The following COL4A4 variants were observed in gnomAD, a reference collection of about 807,000 sequenced individuals.
COL4A4 encodes the protein collagen alpha-4(IV) chain.
In COL4A4, 105 loss-of-function variants were observed where a neutral mutation model predicts 192.9. The ratio of observed to expected loss-of-function variants is 0.54; its 90% CI spans 0.46 to 0.64. The LOEUF (loss-of-function observed/expected upper bound fraction) is 0.64, where lower values mean the gene tolerates loss of function less well. Ranked by LOEUF, COL4A4 falls within the 30% of genes least tolerant of loss-of-function variation. The probability of loss-of-function intolerance (pLI) is 0.00; values close to 1 mark genes in which losing one functional copy is unlikely to be tolerated. For missense variants in COL4A4, 1,967 were observed against 2,169.3 expected (o/e 0.91, Z 1.85); for synonymous variants, 762 against 769.9 (o/e 0.99, Z 0.17).
chr2:227,099,604 G>A lies in COL4A4; in HGVS notation c.1099+16C>T, dbSNP rs754475687. The A allele has an allele frequency of 1.1e-5, 17 of 1,612,502 alleles. No individual in the cohort carries two copies. Among genetic ancestry groups the A allele is most frequent in the Non-Finnish European group, 1.4e-5 (17 of 1,178,636 alleles). On this transcript the variant is annotated intron_variant, in intron 18 of 47. Transcript: ENST00000396625. ...TTTCTGCATAATTTATGGAGGAACTGAATAGGAACACAAACCTTTGAGTGG... is the reference window on the plus strand; with the variant it reads ...TTTCTGCATAATTTATGGAGGAACTAAATAGGAACACAAACCTTTGAGTGG...
chr2:227,039,138 T>C (rs763998661), intron 37 of COL4A4, among the ~76,000 whole-genome samples: 2 of 152,188 alleles, frequency 1.3e-5, no homozygotes, highest in East Asian at 3.8e-4. Flanking sequence ...GATTTTGTTA[T>C]GGATCAAATT....
At chr2:227,031,335 G>A (rs1968352091) in intron 40 of COL4A4, among the ~76,000 whole-genome samples, 1 of 152,124 alleles carries the variant, frequency 6.6e-6, no homozygotes, top group Non-Finnish European at 1.5e-5. Flanking sequence ...GAGCTTGTAT[G>A]AATGCAATTG....
At chr2:227,066,045 T>C (rs1440937277) in intron 25 of COL4A4, among the ~76,000 whole-genome samples, 1 of 152,112 alleles carries the variant, frequency 6.6e-6, no homozygotes, top group East Asian at 1.9e-4. Context: ...CTGATGGAGC[T>C]GAAAACCAAG....
intron 42 of COL4A4, among the ~76,000 whole-genome samples, chr2:227,026,119 A>G (rs1966849957): frequency 6.6e-6 from 1 of 152,204 alleles, no homozygotes; most frequent in South Asian, 2.1e-4. Flanking sequence ...TAATGCATGT[A>G]GGAATTCTAT....
intron 35 of COL4A4, among the ~76,000 whole-genome samples, chr2:227,044,007 A>T (rs1195252974): frequency 6.6e-6 from 1 of 152,206 alleles, no homozygotes; most frequent in Non-Finnish European, 1.5e-5. Flanking sequence ...ATTTCTAAAA[A>T]TTTAAAGCAG....
At chr2:227,070,570 G>A (rs542988888) in intron 25 of COL4A4, among the ~76,000 whole-genome samples, 2 of 152,102 alleles carry the variant, frequency 1.3e-5, no homozygotes, top group East Asian at 1.9e-4. Flanking sequence ...TCCTTTGTAG[G>A]GACATGGATG....
intron 4 of COL4A4, among the ~76,000 whole-genome samples, chr2:227,121,690 T>C (rs6713185): frequency 0.76 from 114,856 of 152,062 alleles, 43,918 homozygotes; most frequent in African/African-American, 0.88. Flanking sequence ...TTGCCCTTTT[T>C]AATCTGAATT....
chr2:227,098,924 A>T (rs921417102), intron 18 of COL4A4, 126 bp from the exon 19 acceptor site: 2 of 758,304 alleles, frequency 2.6e-6, no homozygotes, highest in African/African-American at 3.5e-5. Flanking sequence ...TTCTCATTAC[A>T]TTTAAAACGA....
At chr2:227,002,259 T>G (rs755771533), downstream of COL4A4, among the ~76,000 whole-genome samples, 4 of 151,208 alleles carry the variant, frequency 2.6e-5, no homozygotes, top group African/African-American at 4.9e-5. Context: ...TAAAGAGAAA[T>G]GTAATCAATA....
intron 21 of COL4A4, 49 bp from the exon 22 acceptor site, chr2:227,088,865 C>G (rs1473409300): frequency 1.3e-6 from 2 of 1,598,606 alleles, no homozygotes; most frequent in African/African-American, 2.7e-5. Context: ...GAATAAAATC[C>G]CCAATAAGGG....
At chr2:227,036,617 G>C (rs1432616113) in intron 37 of COL4A4, among the ~76,000 whole-genome samples, 17 of 152,210 alleles carry the variant, frequency 1.1e-4, no homozygotes, top group Non-Finnish European at 5.9e-5. Flanking sequence ...CAGCAAATAT[G>C]TGAGTGCCCA....
intron 3 of COL4A4, among the ~76,000 whole-genome samples, chr2:227,140,710 C>CTTCTGT (rs1441654485): frequency 6.6e-6 from 1 of 151,968 alleles, no homozygotes; most frequent in African/African-American, 2.4e-5. Context: ...TAGGACAATT[C>CTTCTGT]TTCTGTCCCA....
intron 41 of COL4A4, 48 bp from the exon 42 acceptor site, chr2:227,028,057 G>T: frequency 1.6e-6 from 2 of 1,264,414 alleles, no homozygotes; most frequent in Non-Finnish European, 2.3e-6. Context: ...AATGAGACAA[G>T]ATAAAAACAA....
chr2:227,054,693 C>G lies in COL4A4; in HGVS notation c.2761G>C (p.Gly921Arg). Residue 921 changes from glycine to arginine, a missense_variant, in exon 31 of 48, where the codon GGA becomes CGA. Coordinates refer to ENST00000396625, the MANE Select transcript of COL4A4 (RefSeq NM_000092.5). ...PGFPGFPGER[G>R]KPGAEGCPGA... ...GGACATCCCTCTGCACCAGGCTTTC[C>G]TCTTTCTCCGGGAAAACCTGGGAAA... 6.2e-7 allele frequency: 1 copy of G among 1,614,244 alleles called. No individual in the cohort carries two copies. The highest frequency in any genetic ancestry group is 8.5e-7 in the Non-Finnish European group (1 of 1,180,048).
chr2:227,045,933 ATG>A lies in COL4A4; in HGVS notation c.3289+1540_3289+1541del, dbSNP rs1553635812. Among the ~76,000 whole-genome samples the A allele has an allele frequency of 2.8e-3, 256 of 91,452 alleles. 20 individuals carry two copies. Among genetic ancestry groups the A allele is most frequent in the African/African-American group, 5.0e-3 (102 of 20,228 alleles). 60.0% of individuals were successfully genotyped at this position (91,452 alleles called of 152,430 possible). On this transcript the variant is annotated intron_variant, in intron 35 of 47. Transcript: ENST00000396625. ...TATGTATGTATATGTATATGTATAT[ATG>A]TATATATGTATATATGTATATATGT... is the stretch of plus-strand genomic sequence containing the variant.
At chr2:226,973,686 T>C in the COL4A4 span, among the ~76,000 whole-genome samples, 1 of 152,210 alleles carries the variant, frequency 6.6e-6, no homozygotes, top group Non-Finnish European at 1.5e-5. Context: ...AGATGTTCAT[T>C]CTTGGAAGCA....
chr2:227,030,600 T>C lies in COL4A4; in HGVS notation c.3818-2A>G. The C allele has an allele frequency of 6.3e-7, 1 of 1,594,808 alleles. No homozygotes were observed. On this transcript the variant is annotated splice_acceptor_variant, in intron 40 of 47. Coordinates refer to ENST00000396625, the MANE Select transcript of COL4A4 (RefSeq NM_000092.5). LOFTEE classifies it high-confidence loss of function. The stretch of plus-strand genomic sequence containing the variant: ...GGAGGCCTGGAGGCCCAGGTGCTCC[T>C]GACCACAGAGAAGAGACAAAAATAT...
intron 35 of COL4A4, among the ~76,000 whole-genome samples, chr2:227,045,522 C>T (rs1972308627): frequency 6.6e-6 from 1 of 151,804 alleles, no homozygotes; most frequent in Non-Finnish European, 1.5e-5. Context: ...GTAATCCAAG[C>T]AGTTTGGGAA....
In COL4A4 at chr2:227,098,159, A is replaced by G. The variant is rs140345533; in HGVS notation, c.1204+535T>C. Among the ~76,000 whole-genome samples, 289 of 152,298 alleles carry G rather than the reference A, an allele frequency of 1.9e-3. 1 individual carries two copies. The highest frequency in any genetic ancestry group is 5.4e-3 in the Admixed American group (82 of 15,304). On this transcript the variant is annotated intron_variant, in intron 19 of 47. Transcript: ENST00000396625. ...GTAATTATGAATGAAAGTTTTTTTA[A>G]TCATAATTTTTACTTCCACCTTTCA...
Sources: gnomAD v4.1 joint callset for allele counts (sites outside exome capture counted in the v4.1 genomes callset) on GRCh38, gnomAD v4.1.1 for gene constraint, MANE v1.5 for transcripts, NCBI Gene and HGNC (gene_info 2026-07-23, HGNC 2026-07-21) for gene names.